NKAIN2: variants seen among roughly 807,000 people sequenced by gnomAD.
The protein encoded by NKAIN2 is sodium/potassium transporting ATPase interacting 2.
A neutral mutation model predicts 32.6 loss-of-function variants in NKAIN2; 14 were observed. That is an observed-to-expected ratio of 0.43 (90% CI 0.28 to 0.67). NKAIN2 has a LOEUF of 0.67. Among genes scored for constraint, NKAIN2 ranks in the 30% least tolerant of loss-of-function variants. The probability of loss-of-function intolerance (pLI) is 0.17; values close to 1 mark genes in which losing one functional copy is unlikely to be tolerated. For missense variants in NKAIN2, 198 were observed against 258.3 expected, an observed-to-expected ratio of 0.77 and a Z score of 1.60; for synonymous variants, 80 against 87.2, an observed-to-expected ratio of 0.92 and a Z score of 0.46.
chr6:124,705,058 CA>C (rs1774988538), intron 4 of NKAIN2, among the ~76,000 whole-genome samples: 1 of 151,844 alleles, frequency 6.6e-6, no homozygotes, highest in Non-Finnish European at 1.5e-5. Context: ...ATCCAATGGC[CA>C]AAAGCTCTTA....
rs529192089 is a variant in NKAIN2 at position 124,485,064 on chromosome 6, C to G, written c.273+129717C>G. On this transcript the variant is annotated intron_variant, in intron 3 of 6. Coordinates refer to ENST00000368417, the MANE Select transcript of NKAIN2 (RefSeq NM_001040214.3). ...TCAGAACTGGATTTCAGCTCTTACT[C>G]ATGCCTTGAGCTGGCCATTAAAAAA... Among the ~76,000 whole-genome samples, 16 of 152,300 alleles carry G rather than the reference C, an allele frequency of 1.1e-4. No individual in the cohort carries two copies. In the South Asian group the frequency reaches 3.1e-3, roughly 30 times the overall value.
At chr6:124,361,509 A>G (rs990041427) in intron 3 of NKAIN2, among the ~76,000 whole-genome samples, 6 of 152,064 alleles carry the variant, frequency 3.9e-5, no homozygotes, top group Admixed American at 2.6e-4. Context: ...ACCCTTTGGG[A>G]CTAGGGATGC....
At chr6:124,371,358 T>A (rs1296428540) in intron 3 of NKAIN2, among the ~76,000 whole-genome samples, 1 of 151,944 alleles carries the variant, frequency 6.6e-6, no homozygotes, top group Non-Finnish European at 1.5e-5. Context: ...GCATTCTTAG[T>A]CTGTGACTAA....
At chr6:124,801,518 C>G (rs1054405514) in intron 5 of NKAIN2, among the ~76,000 whole-genome samples, 10 of 152,192 alleles carry the variant, frequency 6.6e-5, no homozygotes, top group Admixed American at 5.9e-4. Context: ...CATGTCACTT[C>G]ACTGTGATAC....
intron 5 of NKAIN2, among the ~76,000 whole-genome samples, chr6:124,809,915 A>C (rs1471015655): frequency 6.6e-6 from 1 of 152,198 alleles, no homozygotes; most frequent in Non-Finnish European, 1.5e-5. Flanking sequence ...AGAGAAATGC[A>C]AATCAAAACC....
chr6:123,988,730 C>G (rs990667287), intron 1 of NKAIN2, among the ~76,000 whole-genome samples: 1 of 152,154 alleles, frequency 6.6e-6, no homozygotes. Context: ...TGGATGAATT[C>G]TTGGTTGTTG....
rs1787059578 is a variant in NKAIN2 at position 124,140,080 on chromosome 6, G to T, written c.55-142925G>T. On this transcript the variant is annotated intron_variant, in intron 1 of 6. Transcript: ENST00000368417. The stretch of plus-strand genomic sequence containing the variant: ...AAGTGCAAACTTCATAAGGAAACTG[G>T]CAGTACTGAAACTCTTTAAACTGAA... Among the ~76,000 whole-genome samples, 3 of 152,230 alleles carry T rather than the reference G, an allele frequency of 2.0e-5. No individual in the cohort carries two copies. The East Asian group carries it at 5.8e-4, about 29-fold the overall frequency.
chr6:123,893,939 A>T (rs1774146915), intron 1 of NKAIN2, among the ~76,000 whole-genome samples: 1 of 152,112 alleles, frequency 6.6e-6, no homozygotes, highest in African/African-American at 2.4e-5. Flanking sequence ...GGATTAACTG[A>T]TGGATTTAGA....
At chr6:124,206,769 G>C (rs928050977) in intron 1 of NKAIN2, among the ~76,000 whole-genome samples, 2 of 151,522 alleles carry the variant, frequency 1.3e-5, no homozygotes, top group African/African-American at 4.8e-5. Flanking sequence ...TACTTAGTTC[G>C]TATTTCTTTT....
At chr6:124,066,357 A>G (rs1783176257) in intron 1 of NKAIN2, among the ~76,000 whole-genome samples, 2 of 152,110 alleles carry the variant, frequency 1.3e-5, no homozygotes, top group South Asian at 4.2e-4. Context: ...CTCCTCTGCC[A>G]TTTGTTGTGT....
intron 4 of NKAIN2, among the ~76,000 whole-genome samples, chr6:124,690,386 G>T (rs1047266079): frequency 6.6e-6 from 1 of 152,046 alleles, no homozygotes; most frequent in African/African-American, 2.4e-5. Context: ...CGTATGGTTT[G>T]CAAAGACAGT....
At chr6:124,180,814 C>A (rs570818757) in intron 1 of NKAIN2, among the ~76,000 whole-genome samples, 3 of 152,286 alleles carry the variant, frequency 2.0e-5, no homozygotes, top group Admixed American at 6.5e-5. Flanking sequence ...TGGCTGCTTT[C>A]ATGGGCTGGC....
intron 1 of NKAIN2, among the ~76,000 whole-genome samples, chr6:123,983,109 G>T (rs745430425): frequency 6.6e-6 from 1 of 152,092 alleles, no homozygotes; most frequent in Non-Finnish European, 1.5e-5. Context: ...GAGTAGTAGG[G>T]CTATTAACTA....
chr6:123,943,680 A>G (rs1040591839), intron 1 of NKAIN2, among the ~76,000 whole-genome samples: 18 of 152,094 alleles, frequency 1.2e-4, no homozygotes, highest in Admixed American at 1.3e-4. Flanking sequence ...TTTTCTATGA[A>G]AAGTCACCTT....
In NKAIN2 at chr6:123,922,004, G is replaced by A. The variant is rs373277829; in HGVS notation, c.54+117750G>A. 2.6e-5 allele frequency among the ~76,000 whole-genome samples: 4 copies of A among 151,940 alleles called. No homozygotes were observed. The East Asian group carries it at 5.8e-4, about 22-fold the overall frequency. On this transcript the variant is annotated intron_variant, in intron 1 of 6. Coordinates refer to ENST00000368417, the MANE Select transcript of NKAIN2 (RefSeq NM_001040214.3). ...TTGTTCAGCATTTTTATTTCAAGGTGTATGACTACGATGCTGTGCCCATTA... is the reference window on the plus strand; with the variant it reads ...TTGTTCAGCATTTTTATTTCAAGGTATATGACTACGATGCTGTGCCCATTA...
intron 1 of NKAIN2, among the ~76,000 whole-genome samples, chr6:124,000,799 G>A (rs900299994): frequency 6.6e-6 from 1 of 152,034 alleles, no homozygotes; most frequent in South Asian, 2.1e-4. Context: ...GTTATTTTCT[G>A]TTGTTTGTTG....
chr6:124,709,677 G>A (rs1775326560), intron 4 of NKAIN2, among the ~76,000 whole-genome samples: 1 of 151,086 alleles, frequency 6.6e-6, no homozygotes, highest in Non-Finnish European at 1.5e-5. Context: ...TGTGGGATCG[G>A]TGGTGATATC....
At chr6:124,394,472 TAGA>T (rs1773279891) in intron 3 of NKAIN2, among the ~76,000 whole-genome samples, 1 of 149,658 alleles carries the variant, frequency 6.7e-6, no homozygotes, top group South Asian at 2.1e-4. Flanking sequence ...GATAGATAGA[TAGA>T]TAGATAGATA....
At chr6:123,968,755 G>C (rs1778205255) in intron 1 of NKAIN2, among the ~76,000 whole-genome samples, 1 of 152,186 alleles carries the variant, frequency 6.6e-6, no homozygotes, top group Admixed American at 6.5e-5. Flanking sequence ...GAATGCCCCT[G>C]TTAGCCTTAC....
Sources: allele counts gnomAD v4.1 joint callset (sites outside exome capture counted in the v4.1 genomes callset), GRCh38; gene constraint gnomAD v4.1.1; transcripts MANE v1.5; gene names NCBI Gene and HGNC (gene_info 2026-07-23, HGNC 2026-07-21).